KAZN: variants seen among roughly 807,000 people sequenced by gnomAD.
The protein encoded by KAZN is kazrin.
Under a neutral mutation model 87.4 loss-of-function variants are expected in KAZN, and 40 were observed. That is an observed-to-expected ratio of 0.46 (90% CI 0.36 to 0.60). The LOEUF is 0.60. KAZN is among the 20% of genes least tolerant of loss of function. KAZN has a pLI of 0.00. For missense variants in KAZN, 898 were observed against 1,073.9 expected (o/e 0.84, Z 2.29); for synonymous variants, 466 against 458.3 (o/e 1.02, Z -0.22).
At chr1:14,872,608 C>A (rs1275197183) in intron 1 of KAZN, among the ~76,000 whole-genome samples, 1 of 152,218 alleles carries the variant, frequency 6.6e-6, no homozygotes, top group East Asian at 1.9e-4. Flanking sequence ...ATTATTGTAA[C>A]CACTGATCTA....
intron 2 of KAZN, among the ~76,000 whole-genome samples, chr1:14,353,225 C>CT (rs34074015): frequency 0.023 from 3,215 of 137,630 alleles, 51 homozygotes; most frequent in Non-Finnish European, 0.035. Flanking sequence ...GATGACATCA[C>CT]TTTTTTTTTT....
intron 1 of KAZN, chr1:14,929,913 C>T (rs1382241325): frequency 1.0e-6 from 1 of 985,298 alleles, no homozygotes; most frequent in East Asian, 1.1e-4. Flanking sequence ...TTTTTGGATG[C>T]CTTCAAGAGA....
intron 2 of KAZN, among the ~76,000 whole-genome samples, chr1:14,437,484 C>T (rs969412097): frequency 2.0e-5 from 3 of 152,212 alleles, no homozygotes; most frequent in Admixed American, 6.5e-5. Flanking sequence ...TCTTTGTTCT[C>T]GCTCTTTCTC....
At chr1:14,483,790 C>T (rs1669204117) in intron 2 of KAZN, among the ~76,000 whole-genome samples, 1 of 152,156 alleles carries the variant, frequency 6.6e-6, no homozygotes, top group South Asian at 2.1e-4. Context: ...TCTGTTTTCA[C>T]TTTTGTTGCC....
chr1:14,499,246 T>C (rs1266240272), intron 2 of KAZN, among the ~76,000 whole-genome samples: 1 of 152,092 alleles, frequency 6.6e-6, no homozygotes, highest in Admixed American at 6.6e-5. Flanking sequence ...CCTCTCAACT[T>C]TTCCCAAACA....
At chr1:14,548,421 AC>A (rs1673306451) in intron 2 of KAZN, among the ~76,000 whole-genome samples, 1 of 151,856 alleles carries the variant, frequency 6.6e-6, no homozygotes, top group African/African-American at 2.4e-5. Flanking sequence ...CAGGTCTCGA[AC>A]CCCTGACATC....
intron 1 of KAZN, among the ~76,000 whole-genome samples, chr1:14,159,927 T>G (rs1029667760): frequency 1.1e-4 from 17 of 152,214 alleles, no homozygotes; most frequent in African/African-American, 4.1e-4. Flanking sequence ...GGGGGTCTTA[T>G]GACTCTGACT....
In KAZN at chr1:14,984,643, C is replaced by T. The variant is rs56938228; in HGVS notation, c.418+23768C>T. On this transcript the variant is annotated intron_variant, in intron 2 of 14. Coordinates refer to ENST00000376030, the MANE Select transcript of KAZN (RefSeq NM_201628.3). ...CTCTCTATTTCTTGATGCCAGTCTC[C>T]ATCAGAAGGAGCCAGGTCTCCTTGG... 3.2e-4 allele frequency among the ~76,000 whole-genome samples: 48 copies of T among 152,146 alleles called. 1 individual carries two copies. Among genetic ancestry groups the T allele is most frequent in the African/African-American group, 1.2e-3 (48 of 41,520 alleles).
At chr1:14,867,562 G>A (rs923827993) in intron 1 of KAZN, among the ~76,000 whole-genome samples, 176 of 152,208 alleles carry the variant, frequency 1.2e-3, no homozygotes, top group African/African-American at 4.0e-3. Context: ...CTTCCATCTC[G>A]CAAGGACGCC....
chr1:14,136,068 C>T (rs1645103018), intron 1 of KAZN, among the ~76,000 whole-genome samples: 1 of 151,992 alleles, frequency 6.6e-6, no homozygotes, highest in Non-Finnish European at 1.5e-5. Flanking sequence ...AGAAAGGAGA[C>T]CCTGGGGAAG....
chr1:14,527,881 G>C (rs779228743), intron 2 of KAZN, among the ~76,000 whole-genome samples: 5 of 152,142 alleles, frequency 3.3e-5, no homozygotes, highest in Non-Finnish European at 5.9e-5. Context: ...ACCTCCAACA[G>C]TGGGAATTAA....
intron 2 of KAZN, among the ~76,000 whole-genome samples, chr1:14,343,004 G>A (rs774602889): frequency 2.0e-5 from 3 of 152,102 alleles, no homozygotes; most frequent in Non-Finnish European, 4.4e-5. Context: ...AGCCTGGCGT[G>A]GTGGCAGGCG....
At chr1:14,276,525 A>T (rs1469196809) in intron 2 of KAZN, among the ~76,000 whole-genome samples, 1 of 152,098 alleles carries the variant, frequency 6.6e-6, no homozygotes, top group Non-Finnish European at 1.5e-5. Context: ...CCTCTGAGGG[A>T]TGTGGAGAAG....
chr1:14,682,103 C>G (rs10803300), intron 1 of KAZN, among the ~76,000 whole-genome samples: 67,223 of 151,366 alleles, frequency 0.44, 15,848 homozygotes, highest in South Asian at 0.56. Flanking sequence ...GAGCAGCTAT[C>G]CCCATTAAAC....
chr1:14,693,762 A>G (rs1174579026), intron 1 of KAZN, among the ~76,000 whole-genome samples: 1 of 152,176 alleles, frequency 6.6e-6, no homozygotes, highest in African/African-American at 2.4e-5. Context: ...CGAGTCTGGA[A>G]GTATGTTTCA....
At chr1:14,825,400 ACT>A (rs1355672933) in intron 1 of KAZN, among the ~76,000 whole-genome samples, 1 of 151,296 alleles carries the variant, frequency 6.6e-6, no homozygotes, top group Non-Finnish European at 1.5e-5. Flanking sequence ...GTCATCCCAC[ACT>A]CTCTCTAGAC....
At chr1:15,038,852 C>T (rs1311072206) in intron 3 of KAZN, among the ~76,000 whole-genome samples, 7 of 91,042 alleles carry the variant, frequency 7.7e-5, no homozygotes, top group African/African-American at 3.1e-4. Context: ...CTATTACCAA[C>T]AGCAGACGTT....
Position 15,114,747 on chromosome 1 carries a change from C to A in KAZN, c.*112C>A. On this transcript the variant is annotated 3_prime_UTR_variant, in exon 15 of 15. Transcript: ENST00000376030. ...TAGCGGCCGCAGGCTGAGGATGTCC[C>A]TTGCTCCTGGGCAAAATCCCGATGG... 8.8e-7 allele frequency: 1 copy of A among 1,137,222 alleles called. No individual in the cohort carries two copies. Among genetic ancestry groups the A allele is most frequent in the South Asian group, 1.7e-5 (1 of 58,608 alleles). 70.4% of individuals were successfully genotyped at this position (1,137,222 alleles called of 1,614,324 possible).
chr1:14,472,364 A>G (rs572092041), intron 2 of KAZN, among the ~76,000 whole-genome samples: 25 of 152,342 alleles, frequency 1.6e-4, no homozygotes, highest in East Asian at 1.4e-3. Context: ...TCCATGTCCA[A>G]TGCAATGGGG....
Sources: allele counts gnomAD v4.1 joint callset (sites outside exome capture counted in the v4.1 genomes callset), GRCh38; gene constraint gnomAD v4.1.1; transcripts MANE v1.5; gene names NCBI Gene and HGNC (gene_info 2026-07-23, HGNC 2026-07-21).